The following CAMKK2 variants were observed in gnomAD, a reference collection of about 807,000 sequenced individuals.
CAMKK2 encodes calcium/calmodulin-dependent protein kinase kinase 2.
CAMKK2 carries 30 observed loss-of-function variants against 67.2 expected under a neutral mutation model. That is an observed-to-expected ratio of 0.45 (90% CI 0.33 to 0.61). The LOEUF (loss-of-function observed/expected upper bound fraction) is 0.61, where lower values mean the gene tolerates loss of function less well. Ranked by LOEUF, CAMKK2 falls within the 20% of genes least tolerant of loss-of-function variation. The pLI, the probability that CAMKK2 is intolerant of heterozygous loss-of-function variation, is 0.02. For missense variants in CAMKK2, 643 were observed against 802.0 expected (o/e 0.80, Z 2.39); for synonymous variants, 322 against 326.2 (o/e 0.99, Z 0.14).
chr12:121,274,089 C>T lies in CAMKK2; in HGVS notation c.438G>A (p.Val146=), dbSNP rs1453738772. Reference sequence around the variant, plus strand: ...CCGTGATGGAGACGTGGTGAGACTCCACTGTCGGCCGCCGGGGCAGCCGAG... The same window carrying T: ...CCGTGATGGAGACGTGGTGAGACTCTACTGTCGGCCGCCGGGGCAGCCGAG... ...SSPRLPRRPT[V]ESHHVSITGM... The change falls in exon 2 of 17, where the codon GTG becomes GTA. Residue 146 remains valine (V), a synonymous_variant. Coordinates refer to ENST00000404169, the MANE Select transcript of CAMKK2 (RefSeq NM_001270485.2). The T allele has an allele frequency of 6.6e-7, 1 of 1,526,606 alleles. No individual in the cohort carries two copies. The highest frequency in any genetic ancestry group is 8.8e-7 in the Non-Finnish European group (1 of 1,137,248). The allele number at this position is 1,526,606 out of a possible 1,614,324, so 94.6% of individuals were successfully genotyped here.
intron 1 of CAMKK2, among the ~76,000 whole-genome samples, chr12:121,290,426 A>T (rs1899762778): frequency 6.6e-6 from 1 of 152,216 alleles, no homozygotes. Context: ...AATGGCTGAC[A>T]ACTGTAATCC....
intron 4 of CAMKK2, 35 bp downstream of exon 4, chr12:121,269,493 A>C (rs767887382): frequency 6.5e-7 from 1 of 1,536,566 alleles, no homozygotes; most frequent in South Asian, 1.2e-5. Flanking sequence ...TCTGTGGATA[A>C]GGATGGGGGC....
intron 7 of CAMKK2, among the ~76,000 whole-genome samples, chr12:121,256,561 C>G (rs1204556029): frequency 1.3e-5 from 2 of 152,120 alleles, no homozygotes; most frequent in African/African-American, 2.4e-5. Flanking sequence ...CTATTCTTCC[C>G]TCCCTCAATC....
At chr12:121,268,541 T>A in intron 5 of CAMKK2, 97 bp downstream of exon 5, 3 of 1,129,822 alleles carry the variant, frequency 2.7e-6, no homozygotes, top group Non-Finnish European at 4.0e-6. Flanking sequence ...ACTACAGGCA[T>A]GTGGCACCAT....
Position 121,245,685 on chromosome 12 carries a change from G to T in CAMKK2, c.1453-445C>A, listed in dbSNP as rs568942396. 3.3e-5 allele frequency among the ~76,000 whole-genome samples: 5 copies of T among 152,322 alleles called. No individual in the cohort carries two copies. Among genetic ancestry groups the T allele is most frequent in the African/African-American group, 9.6e-5 (4 of 41,572 alleles). Reference sequence around the variant, plus strand: ...GGCTGCCATTTCCCATGAAGGGAATGGCCTGAGGGCCCCATAAGAGTCACT... The same window carrying T: ...GGCTGCCATTTCCCATGAAGGGAATTGCCTGAGGGCCCCATAAGAGTCACT... On this transcript the variant is annotated intron_variant, in intron 14 of 16. Transcript: ENST00000404169. This position sits in a 1 kb window ranked among gnomAD's most constrained non-coding sequence, Gnocchi z 5.8.
At chr12:121,242,537 C>CCAGG (rs1489848178) in intron 16 of CAMKK2, among the ~76,000 whole-genome samples, 1 of 152,148 alleles carries the variant, frequency 6.6e-6, no homozygotes, top group Non-Finnish European at 1.5e-5. Context: ...GCGGGGCTGC[C>CCAGG]CAGGCGTCTG....
chr12:121,287,642 G>C (rs968664852), intron 1 of CAMKK2, among the ~76,000 whole-genome samples: 4 of 152,230 alleles, frequency 2.6e-5, no homozygotes, highest in African/African-American at 9.6e-5. Context: ...ATCACTGAAA[G>C]AATGGCCCCA....
At chr12:121,257,324 G>A (rs1217260040) in intron 7 of CAMKK2, among the ~76,000 whole-genome samples, 2 of 150,050 alleles carry the variant, frequency 1.3e-5, no homozygotes, top group Non-Finnish European at 2.9e-5. Context: ...TTGGCTCACT[G>A]CAACCTCTGC....
chr12:121,262,332 G>A (rs1037514912), intron 6 of CAMKK2, among the ~76,000 whole-genome samples: 4 of 152,050 alleles, frequency 2.6e-5, no homozygotes, highest in South Asian at 2.1e-4. Flanking sequence ...CTAACACGGT[G>A]AAACCCCATC....
intron 2 of CAMKK2, among the ~76,000 whole-genome samples, chr12:121,273,066 T>C (rs1307640172): frequency 6.6e-6 from 1 of 151,992 alleles, no homozygotes; most frequent in Non-Finnish European, 1.5e-5. Flanking sequence ...TCTGGCTGGG[T>C]GGAGACAGGC....
In CAMKK2 at chr12:121,253,624, A is replaced by G. The variant is rs915328930; in HGVS notation, c.908-152T>C. ...GCCTTTTCCAACCTTCCACTCCCCA[A>G]ACCCGCTGGGCACTGACATGCTCTA... On this transcript the variant is annotated intron_variant, in intron 9 of 16. Transcript: ENST00000404169. The surrounding 1 kb of genome is among the most constrained non-coding windows in gnomAD (Gnocchi z 5.0). 1.2e-5 allele frequency: 8 copies of G among 670,942 alleles called. No individual in the cohort carries two copies. The Admixed American group carries it at 1.4e-4, about 12-fold the overall frequency. The allele number at this position is 670,942 out of a possible 1,614,324, so 41.6% of individuals were successfully genotyped here.
chr12:121,240,535 T>TTTTC lies in CAMKK2; in HGVS notation c.*163_*164insGAAA. ...CATGGAGTCAAGTCCTTTTTTTTTT[T>TTTTC]TTGTCCCCTTTAAAACAACAAAGGA... On this transcript the variant is annotated 3_prime_UTR_variant, in exon 17 of 17. Transcript: ENST00000404169. The surrounding 1 kb of genome is among the most constrained non-coding windows in gnomAD (Gnocchi z 4.4). 1 of 1,534,746 alleles carries TTTTC rather than the reference T, an allele frequency of 6.5e-7. No homozygotes were observed. The highest frequency in any genetic ancestry group is 8.7e-7 in the Non-Finnish European group (1 of 1,146,520).
In CAMKK2 at chr12:121,249,977, G is replaced by C. The variant is rs983855142; in HGVS notation, c.1219C>G (p.Leu407Val). The C allele has an allele frequency of 1.2e-6, 2 of 1,614,020 alleles. No homozygotes were observed. The highest frequency in any genetic ancestry group is 3.3e-5 in the Admixed American group (2 of 59,998). ...CLHSKIKSQA[L>V]EFPDQPDIAE... ...GATACTCACTGGTCTGGAAATTCCA[G>C]GGCCTGACTCTTGATCTTACTGTGT... is the stretch of plus-strand genomic sequence containing the variant. Residue 407 changes from leucine (L) to valine (V), a missense_variant, in exon 12 of 17, where the codon CTG (leucine) becomes GTG (valine). Coordinates refer to ENST00000404169, the MANE Select transcript of CAMKK2 (RefSeq NM_001270485.2).
rs571229051 is a variant in CAMKK2 at position 121,244,687 on chromosome 12, C to A, written c.1554-72G>T. On this transcript the variant is annotated intron_variant, in intron 15 of 16. Coordinates refer to ENST00000404169, the MANE Select transcript of CAMKK2 (RefSeq NM_001270485.2). Reference sequence around the variant, plus strand: ...GGGATCCACGGGATGCCCGTTCCCCCACCCTGAGACACTCAGACCCCAAAC... The same window carrying A: ...GGGATCCACGGGATGCCCGTTCCCCAACCCTGAGACACTCAGACCCCAAAC... 5 of 1,239,196 alleles carry A rather than the reference C, an allele frequency of 4.0e-6. No individual in the cohort carries two copies. The South Asian group carries it at 5.8e-5, about 14-fold the overall frequency. 76.8% of individuals were successfully genotyped at this position (1,239,196 alleles called of 1,614,324 possible).
chr12:121,263,715 G>T, intron 6 of CAMKK2, 91 bp downstream of exon 6: 1 of 1,317,026 alleles, frequency 7.6e-7, no homozygotes, highest in Non-Finnish European at 1.0e-6. Flanking sequence ...GGTCTGGTGT[G>T]ACCTGGCTCT....
chr12:121,264,991 A>G (rs1223515094), intron 5 of CAMKK2, among the ~76,000 whole-genome samples: 1 of 152,018 alleles, frequency 6.6e-6, no homozygotes, highest in Admixed American at 6.6e-5. Flanking sequence ...AAAAAAAACA[A>G]AAACTAAATA....
At chr12:121,297,436 T>C, upstream of CAMKK2, 1 of 375,092 alleles carries the variant, frequency 2.7e-6, no homozygotes. Flanking sequence ...CCAGCCCACC[T>C]GGATGCACCA....
At chr12:121,258,384 G>A (rs1417700523) in intron 7 of CAMKK2, among the ~76,000 whole-genome samples, 3 of 151,958 alleles carry the variant, frequency 2.0e-5, no homozygotes, top group Non-Finnish European at 4.4e-5. Context: ...CCAGGCTAGA[G>A]TGCAGTGGCA....
intron 7 of CAMKK2, among the ~76,000 whole-genome samples, chr12:121,257,396 G>GCGCA (rs1892554832): frequency 1.3e-5 from 2 of 152,100 alleles, no homozygotes; most frequent in East Asian, 3.9e-4. Flanking sequence ...ACAGGCACCT[G>GCGCA]CCACCACACC....
Sources: allele counts gnomAD v4.1 joint callset (sites outside exome capture counted in the v4.1 genomes callset), GRCh38; gene constraint gnomAD v4.1.1; non-coding constraint Gnocchi (gnomAD v3.1); transcripts MANE v1.5; gene names NCBI Gene and HGNC (gene_info 2026-07-23, HGNC 2026-07-21).